The following FKBP9 variants were observed in gnomAD, a reference collection of about 807,000 sequenced individuals.
FKBP9 encodes FKBP prolyl isomerase 9.
FKBP9 carries 27 observed loss-of-function variants against 55.6 expected under a neutral mutation model. The observed-to-expected ratio is 0.49, with a 90% confidence interval of 0.36 to 0.67. The LOEUF (loss-of-function observed/expected upper bound fraction) is 0.67, where lower values mean the gene tolerates loss of function less well. Among genes scored for constraint, FKBP9 ranks in the 30% least tolerant of loss-of-function variants. The pLI is 0.00. For missense variants in FKBP9, 539 were observed against 742.8 expected, an observed-to-expected ratio of 0.73 and a Z score of 3.19; for synonymous variants, 267 against 296.5, an observed-to-expected ratio of 0.90 and a Z score of 1.02.
intron 8 of FKBP9, among the ~76,000 whole-genome samples, chr7:33,000,719 T>A (rs527327522): frequency 6.6e-6 from 1 of 152,166 alleles, no homozygotes; most frequent in Admixed American, 6.5e-5. Flanking sequence ...TACCTCATCC[T>A]CACAGTGGTT....
chr7:32,991,795 T>G (rs1354533637), intron 6 of FKBP9, among the ~76,000 whole-genome samples: 1 of 152,200 alleles, frequency 6.6e-6, no homozygotes, highest in African/African-American at 2.4e-5. Context: ...TGCGAGGATG[T>G]GTAAGCATCA....
At chr7:33,003,338 T>A (rs1162062772) in intron 9 of FKBP9, among the ~76,000 whole-genome samples, 2 of 152,226 alleles carry the variant, frequency 1.3e-5, no homozygotes, top group Non-Finnish European at 2.9e-5. Flanking sequence ...ACATCTGCTA[T>A]TGAAGCACAT....
intron 6 of FKBP9, among the ~76,000 whole-genome samples, chr7:32,990,961 A>G (rs1036680982): frequency 1.6e-4 from 25 of 152,222 alleles, no homozygotes; most frequent in Non-Finnish European, 2.5e-4. Flanking sequence ...CTGATTGATT[A>G]AACCACAACA....
At chr7:32,995,369 T>A (rs1355872913) in intron 6 of FKBP9, among the ~76,000 whole-genome samples, 3 of 152,186 alleles carry the variant, frequency 2.0e-5, no homozygotes, top group African/African-American at 4.8e-5. Flanking sequence ...TGAAATGATT[T>A]GGGCTGGGGG....
intron 1 of FKBP9, among the ~76,000 whole-genome samples, chr7:32,970,260 A>G (rs1167854589): frequency 1.3e-5 from 2 of 151,872 alleles, no homozygotes; most frequent in Admixed American, 6.6e-5. Flanking sequence ...GAAGTGGTGC[A>G]ATTTCGGCTC....
In FKBP9 at chr7:32,988,489, T is replaced by A; in HGVS notation, c.894-18T>A. 6.2e-7 allele frequency: 1 copy of A among 1,613,690 alleles called. No homozygotes were observed. Among genetic ancestry groups the A allele is most frequent in the South Asian group, 1.1e-5 (1 of 91,076 alleles). On this transcript the variant is annotated intron_variant, in intron 5 of 9. Coordinates refer to ENST00000242209, the MANE Select transcript of FKBP9 (RefSeq NM_007270.5). ...GGCCCTCATGAATGACCTCTTTCTT[T>A]CCTTTCTTCTTTTCTAGCTACTCTC...
chr7:32,969,214 T>G (rs575309963), intron 1 of FKBP9, among the ~76,000 whole-genome samples: 14 of 152,284 alleles, frequency 9.2e-5, no homozygotes, highest in Non-Finnish European at 1.9e-4. Context: ...CTGTTGATTG[T>G]TTTCTTTGCT....
rs753565846 is a variant in FKBP9 at position 32,996,355 on chromosome 7, G to A, written c.1226+6G>A. ...GGGACCCTGCTGGACTCCACGTAAGGGCAACCAGAATGGTGTGGGAGTGAG... is the reference window on the plus strand; with the variant it reads ...GGGACCCTGCTGGACTCCACGTAAGAGCAACCAGAATGGTGTGGGAGTGAG... On this transcript the variant is annotated splice_donor_region_variant and intron_variant, in intron 7 of 9. Coordinates refer to ENST00000242209, the MANE Select transcript of FKBP9 (RefSeq NM_007270.5). 4.6e-5 allele frequency: 74 copies of A among 1,609,400 alleles called. No individual in the cohort carries two copies. Among genetic ancestry groups the A allele is most frequent in the Non-Finnish European group, 5.9e-5 (70 of 1,176,572 alleles).
chr7:32,958,669 A>C (rs1783954605), intron 1 of FKBP9, among the ~76,000 whole-genome samples: 1 of 152,168 alleles, frequency 6.6e-6, no homozygotes, highest in Admixed American at 6.5e-5. Flanking sequence ...ACAAAACAAA[A>C]CACAACACGA....
At position 32,993,094 on chromosome 7, in the gene FKBP9, C is replaced by G. The variant is rs536428799; in HGVS notation, c.1040-3069C>G. ...GGATGTGGGTGGTTCCAGATGCATT[C>G]CCTTTTGCCCTGGAGAAGGCCCTGC... On this transcript the variant is annotated intron_variant, in intron 6 of 9. Coordinates refer to ENST00000242209, the MANE Select transcript of FKBP9 (RefSeq NM_007270.5). 1.7e-5 allele frequency: 4 copies of G among 232,628 alleles called. No homozygotes were observed. In the East Asian group the frequency reaches 2.4e-4, roughly 14 times the overall value. 14.4% of individuals were successfully genotyped at this position (232,628 alleles called of 1,614,324 possible).
intron 7 of FKBP9, among the ~76,000 whole-genome samples, chr7:32,999,398 G>A (rs1349125941): frequency 6.6e-6 from 1 of 151,966 alleles, no homozygotes. Flanking sequence ...AGTAGTGACC[G>A]AAGTGATAGA....
chr7:32,996,301 A>C lies in FKBP9; in HGVS notation c.1178A>C (p.Lys393Thr), dbSNP rs1378596475. ...SVLSKKGDYLKYHYNASLLDG... is the reference protein window; with the variant it reads ...SVLSKKGDYLTYHYNASLLDG... Reference sequence around the variant, plus strand: ...CTGAGTAAGAAGGGAGATTACCTCAAATATCACTACAATGCCTCACTTCTG... The same window carrying C: ...CTGAGTAAGAAGGGAGATTACCTCACATATCACTACAATGCCTCACTTCTG... The change falls in exon 7 of 10, where the codon AAA becomes ACA. Residue 393 changes from lysine (K) to threonine (T), a missense_variant. Lys to Thr is a moderately conservative substitution (Grantham distance 78, BLOSUM62 -1). Around this residue, in one of 4 missense-constraint regions of FKBP9, gnomAD observed 172 missense variants for 205.3 expected, o/e 0.84. Transcript: ENST00000242209. 1 of 1,613,994 alleles carries C rather than the reference A, an allele frequency of 6.2e-7. No homozygotes were observed. Among genetic ancestry groups the C allele is most frequent in the Non-Finnish European group, 8.5e-7 (1 of 1,179,914 alleles).
At chr7:33,000,004 TTTGC>T in intron 7 of FKBP9, 107 bp from the exon 8 acceptor site, 1 of 1,248,752 alleles carries the variant, frequency 8.0e-7, no homozygotes, top group Non-Finnish European at 1.2e-6. Context: ...TAGATAGGGA[TTTGC>T]ATTTCTTTGG....
At chr7:32,992,455 C>T (rs1784704919) in intron 6 of FKBP9, among the ~76,000 whole-genome samples, 2 of 152,224 alleles carry the variant, frequency 1.3e-5, no homozygotes, top group African/African-American at 4.8e-5. Flanking sequence ...TTTTTCTCAT[C>T]TGTATCTCTT....
chr7:32,994,810 G>A (rs1015927367), intron 6 of FKBP9, among the ~76,000 whole-genome samples: 1 of 152,092 alleles, frequency 6.6e-6, no homozygotes, highest in African/African-American at 2.4e-5. Flanking sequence ...GTTTCTATTA[G>A]AGATAGGAGA....
intron 4 of FKBP9, among the ~76,000 whole-genome samples, chr7:32,978,755 C>T (rs1784410816): frequency 6.6e-6 from 1 of 152,126 alleles, no homozygotes; most frequent in Non-Finnish European, 1.5e-5. Flanking sequence ...AGCCACATAA[C>T]AAAACCAGAT....
intron 1 of FKBP9, among the ~76,000 whole-genome samples, chr7:32,963,127 G>T (rs964824764): frequency 3.2e-4 from 49 of 152,214 alleles, no homozygotes; most frequent in African/African-American, 1.1e-3. Flanking sequence ...TGGGCCTTGA[G>T]CATGGATGGG....
chr7:33,004,782 AGT>A (rs1377084787), intron 9 of FKBP9, among the ~76,000 whole-genome samples: 1 of 152,170 alleles, frequency 6.6e-6, no homozygotes, highest in Non-Finnish European at 1.5e-5. Flanking sequence ...GATCTAGAAC[AGT>A]GTGCTCAGCA....
chr7:33,001,046 G>C, intron 8 of FKBP9, among the ~76,000 whole-genome samples: 1 of 150,358 alleles, frequency 6.7e-6, no homozygotes, highest in African/African-American at 2.5e-5. Flanking sequence ...CAAAGCACTG[G>C]GATTATCAGT....
Sources: gnomAD v4.1 joint callset for allele counts (sites outside exome capture counted in the v4.1 genomes callset) on GRCh38, gnomAD v4.1.1 for gene constraint, gnomAD v4.1.1 regional missense constraint, MANE v1.5 for transcripts, NCBI Gene and HGNC (gene_info 2026-07-23, HGNC 2026-07-21) for gene names.